EPCAM: variants seen among roughly 807,000 people sequenced by gnomAD.
The protein encoded by EPCAM is epithelial cell adhesion molecule, also known as adenocarcinoma-associated antigen.
A neutral mutation model predicts 40.0 loss-of-function variants in EPCAM; 39 were observed. That is an observed-to-expected ratio of 0.98 (90% CI 0.76 to 1.27). The LOEUF is 1.27. EPCAM is among the 50% of genes most tolerant of loss of function. The pLI is 0.00. For synonymous variants in EPCAM, 168 were observed against 132.3 expected (o/e 1.27, Z -1.85); for missense variants, 503 against 381.2 (o/e 1.32, Z -2.66).
At chr2:47,370,770 G>T (rs779216550) in intron 1 of EPCAM, among the ~76,000 whole-genome samples, 1 of 151,702 alleles carries the variant, frequency 6.6e-6, no homozygotes, top group Non-Finnish European at 1.5e-5. Context: ...CGCTCTTGTT[G>T]CCCAGGCTGG....
chr2:47,380,576 G>A (rs1278316050), intron 7 of EPCAM, among the ~76,000 whole-genome samples: 1 of 152,106 alleles, frequency 6.6e-6, no homozygotes, highest in Non-Finnish European at 1.5e-5. Context: ...TCAACACCTA[G>A]TGCAAAATAC....
At chr2:47,378,841 A>G (rs1380826830) in intron 5 of EPCAM, 112 bp from the exon 6 acceptor site, 3 of 677,086 alleles carry the variant, frequency 4.4e-6, no homozygotes, top group South Asian at 1.7e-5. Flanking sequence ...ACAGTGATGC[A>G]TGTAGATTAT....
At chr2:47,370,882 A>C (rs901940621) in intron 1 of EPCAM, among the ~76,000 whole-genome samples, 1 of 151,488 alleles carries the variant, frequency 6.6e-6, no homozygotes, top group African/African-American at 2.4e-5. Context: ...CGGTCAGCTA[A>C]TTTGTATTTT....
chr2:47,369,901 C>G, intron 1 of EPCAM: 1 of 459,682 alleles, frequency 2.2e-6, no homozygotes. Flanking sequence ...CGGTGCCTCG[C>G]GCCCTGGCGC....
At chr2:47,382,029 A>C (rs1459754294) in intron 7 of EPCAM, among the ~76,000 whole-genome samples, 1 of 152,150 alleles carries the variant, frequency 6.6e-6, no homozygotes, top group Non-Finnish European at 1.5e-5. Flanking sequence ...TAGCCTCCCA[A>C]ACTGCTGGGA....
intron 7 of EPCAM, 37 bp from the exon 8 acceptor site, chr2:47,385,129 G>C (rs1299032148): frequency 1.3e-6 from 2 of 1,511,734 alleles, no homozygotes; most frequent in East Asian, 4.5e-5. Context: ...TTTTTGAATA[G>C]CAGTCCTAAA....
At chr2:47,384,530 C>T (rs1194748798) in intron 7 of EPCAM, among the ~76,000 whole-genome samples, 4 of 151,088 alleles carry the variant, frequency 2.6e-5, no homozygotes, top group Non-Finnish European at 5.9e-5. Flanking sequence ...TTTCCTGCTT[C>T]AGTCTCCCAA....
At chr2:47,384,472 G>T (rs1291672927) in intron 7 of EPCAM, among the ~76,000 whole-genome samples, 1 of 150,720 alleles carries the variant, frequency 6.6e-6, no homozygotes, top group Non-Finnish European at 1.5e-5. Flanking sequence ...GGAGTGCAAT[G>T]GCGCCATCTC....
chr2:47,369,568 C>A lies in EPCAM; in HGVS notation c.63C>A (p.Ala21=). 1 of 1,589,970 alleles carries A rather than the reference C, an allele frequency of 6.3e-7. No individual in the cohort carries two copies. The highest frequency in any genetic ancestry group is 8.5e-7 in the Non-Finnish European group (1 of 1,171,212). Reference sequence around the variant, plus strand: ...TTGCCGCGGCGACGGCGACTTTTGCCGCAGCTCAGGAAGGTGAGGCGCGGA... The same window carrying A: ...TTGCCGCGGCGACGGCGACTTTTGCAGCAGCTCAGGAAGGTGAGGCGCGGA... The part of the protein sequence containing the change: ...LLLAAATATF[A]AAQEECVCEN... Residue 21 remains alanine, a synonymous_variant, in exon 1 of 9, where the codon GCC becomes GCA. Coordinates refer to ENST00000263735, the MANE Select transcript of EPCAM (RefSeq NM_002354.3).
At chr2:47,378,648 C>G (rs1437096630) in intron 5 of EPCAM, among the ~76,000 whole-genome samples, 1 of 152,038 alleles carries the variant, frequency 6.6e-6, no homozygotes, top group Non-Finnish European at 1.5e-5. Flanking sequence ...AGTTCTAATC[C>G]AAATAAAATA....
At chr2:47,377,144 C>A in intron 5 of EPCAM, 67 bp downstream of exon 5, 2 of 1,066,034 alleles carry the variant, frequency 1.9e-6, no homozygotes, top group Non-Finnish European at 2.9e-6. Flanking sequence ...AGTATAAGGA[C>A]AGCCAGTGAT....
At position 47,379,968 on chromosome 2, in the gene EPCAM, T is replaced by A; in HGVS notation, c.857T>A (p.Leu286Gln). 6.2e-7 allele frequency: 1 copy of A among 1,610,652 alleles called. No individual in the cohort carries two copies. Among genetic ancestry groups the A allele is most frequent in the Middle Eastern group, 1.7e-4 (1 of 6,060 alleles). ...VIAVVAGIVV[L>Q]VISRKKRMAK... ...GCAGTTGTTGCTGGAATTGTTGTGC[T>A]GGTGAGTACAGAACAAGTAAAATTT... The change falls in exon 7 of 9, where the codon CTG (leucine) becomes CAG (glutamine). Residue 286 changes from leucine to glutamine, a missense_variant and splice_region_variant. Coordinates refer to ENST00000263735, the MANE Select transcript of EPCAM (RefSeq NM_002354.3).
At chr2:47,380,426 A>G (rs998047804) in intron 7 of EPCAM, among the ~76,000 whole-genome samples, 4 of 152,214 alleles carry the variant, frequency 2.6e-5, no homozygotes, top group African/African-American at 7.2e-5. Context: ...AATCTATTGT[A>G]TCTCTGGTCT....
At chr2:47,377,650 C>T in intron 5 of EPCAM, 1 of 291,914 alleles carries the variant, frequency 3.4e-6, no homozygotes, top group Non-Finnish European at 7.0e-6. Context: ...TTTTCTTATC[C>T]TGGAGAACCT....
Position 47,379,894 on chromosome 2 carries a change from G to A in EPCAM, c.783G>A (p.Met261Ile), listed in dbSNP as rs1423442877. ...ATGAAAAAGCACCTGAATTCTCAAT[G>A]CAGGGTCTAAAAGCTGGTGTTATTG... is the stretch of plus-strand genomic sequence containing the variant. The part of the protein sequence containing the change: ...YVDEKAPEFS[M>I]QGLKAGVIAV... The change falls in exon 7 of 9, where the codon ATG becomes ATA. Residue 261 changes from methionine (M) to isoleucine (I), a missense_variant. Met to Ile is a conservative substitution (Grantham distance 10, BLOSUM62 1). Transcript: ENST00000263735. 2 of 1,614,066 alleles carry A rather than the reference G, an allele frequency of 1.2e-6. No homozygotes were observed. The highest frequency in any genetic ancestry group is 4.5e-5 in the East Asian group (2 of 44,892).
At position 47,378,948 on chromosome 2, in the gene EPCAM, C is replaced by G; in HGVS notation, c.556-5C>G. 1.5e-6 allele frequency: 2 copies of G among 1,333,402 alleles called. No individual in the cohort carries two copies. Among genetic ancestry groups the G allele is most frequent in the East Asian group, 2.3e-5 (1 of 43,350 alleles). 82.6% of individuals were successfully genotyped at this position (1,333,402 alleles called of 1,614,324 possible). On this transcript the variant is annotated splice_region_variant and splice_polypyrimidine_tract_variant and intron_variant, in intron 5 of 8. Transcript: ENST00000263735. ...TAATTTGTATTATTCAATTTTTTTC[C>G]CCAGTATGAGAATAATGTTATCACT...
chr2:47,369,368 G>A lies in EPCAM; in HGVS notation c.-138G>A. 3 of 1,197,622 alleles carry A rather than the reference G, an allele frequency of 2.5e-6. No individual in the cohort carries two copies. Among genetic ancestry groups the A allele is most frequent in the Non-Finnish European group, 2.2e-6 (2 of 916,660 alleles). The allele number at this position is 1,197,622 out of a possible 1,614,324, so 74.2% of individuals were successfully genotyped here. A position where few individuals can be genotyped will look rare whatever the true frequency, so the allele number is the denominator to read the frequency against. On this transcript the variant is annotated 5_prime_UTR_variant, in exon 1 of 9. Transcript: ENST00000263735. ...TTCGACGCGGTCCGGGGACCCCCTC[G>A]TCGCTGTCCTCCCGACGCGGACCCG...
intron 1 of EPCAM, chr2:47,369,784 C>T: frequency 1.4e-6 from 1 of 700,828 alleles, no homozygotes; most frequent in Non-Finnish European, 2.7e-6. Context: ...GGGGAGCAGC[C>T]TCACTTCGCA....
intron 1 of EPCAM, among the ~76,000 whole-genome samples, chr2:47,371,832 T>A (rs767121422): frequency 1.3e-5 from 2 of 152,172 alleles, no homozygotes; most frequent in Non-Finnish European, 2.9e-5. Flanking sequence ...GTGGTTCATA[T>A]CGACTATAAC....
Sources: allele counts gnomAD v4.1 joint callset (sites outside exome capture counted in the v4.1 genomes callset), GRCh38; gene constraint gnomAD v4.1.1; transcripts MANE v1.5; gene names NCBI Gene and HGNC (gene_info 2026-07-23, HGNC 2026-07-21).